FAM107B: variants seen among roughly 807,000 people sequenced by gnomAD.
The protein encoded by FAM107B is protein FAM107B.
Under a neutral mutation model 31.5 loss-of-function variants are expected in FAM107B, and 21 were observed. The ratio of observed to expected loss-of-function variants is 0.67; its 90% CI spans 0.47 to 0.96. The LOEUF (loss-of-function observed/expected upper bound fraction) is 0.96, where lower values mean the gene tolerates loss of function less well. Ranked by LOEUF, FAM107B falls within the 40% of genes least tolerant of loss-of-function variation. The pLI is 0.00. For synonymous variants in FAM107B, 157 were observed against 141.5 expected (o/e 1.11, Z -0.78); for missense variants, 452 against 377.1 (o/e 1.20, Z -1.64).
chr10:14,649,089 C>T (rs1363130811), intron 2 of FAM107B, among the ~76,000 whole-genome samples: 1 of 152,200 alleles, frequency 6.6e-6, no homozygotes. Flanking sequence ...AATAAGCACA[C>T]CAGTTCAGGC....
chr10:14,748,060 G>C (rs1158052658), intron 1 of FAM107B, among the ~76,000 whole-genome samples: 1 of 152,134 alleles, frequency 6.6e-6, no homozygotes, highest in Non-Finnish European at 1.5e-5. Flanking sequence ...TTTATGTGTT[G>C]CCTCCTCTGA....
At position 14,761,294 on chromosome 10, in the gene FAM107B, G is replaced by A. The variant is rs139593485; in HGVS notation, c.411+12959C>T. On this transcript the variant is annotated intron_variant, in intron 1 of 4. Transcript: ENST00000181796. The stretch of plus-strand genomic sequence containing the variant: ...TTTGCCTTTGAGTCGCTTGTTGTTA[G>A]GCAAGAAGCCAGACAAATCAGCATT... Among the ~76,000 whole-genome samples the A allele has an allele frequency of 1.3e-3, 200 of 152,200 alleles. 1 individual carries two copies. The highest frequency in any genetic ancestry group is 4.6e-3 in the African/African-American group (192 of 41,540).
At chr10:14,765,961 G>A (rs1408866496) in intron 1 of FAM107B, among the ~76,000 whole-genome samples, 3 of 152,218 alleles carry the variant, frequency 2.0e-5, no homozygotes. Flanking sequence ...CAGGTAGGAT[G>A]ATGGGTGATG....
At chr10:14,726,393 C>G (rs910749567) in intron 1 of FAM107B, among the ~76,000 whole-genome samples, 8 of 152,162 alleles carry the variant, frequency 5.3e-5, no homozygotes, top group Admixed American at 4.6e-4. Context: ...GTGCCTGCCT[C>G]AGAGCCGAGC....
chr10:14,522,603 A>G (rs753006127), intron 3 of FAM107B, among the ~76,000 whole-genome samples: 5 of 151,830 alleles, frequency 3.3e-5, no homozygotes, highest in Non-Finnish European at 5.9e-5. Context: ...TTTAGTAGAG[A>G]TGGGGTTTCA....
chr10:14,769,810 G>C (rs1564297396), intron 1 of FAM107B, among the ~76,000 whole-genome samples: 1 of 152,180 alleles, frequency 6.6e-6, no homozygotes, highest in Non-Finnish European at 1.5e-5. Flanking sequence ...AACTGCTATA[G>C]GAAGACATTC....
intron 1 of FAM107B, among the ~76,000 whole-genome samples, chr10:14,734,548 C>G (rs1222731470): frequency 1.3e-5 from 2 of 149,682 alleles, no homozygotes; most frequent in East Asian, 4.0e-4. Context: ...TATGTGTGGC[C>G]CAAGATAATT....
chr10:14,715,727 C>T (rs1855764740), intron 1 of FAM107B, among the ~76,000 whole-genome samples: 1 of 152,170 alleles, frequency 6.6e-6, no homozygotes, highest in Non-Finnish European at 1.5e-5. Flanking sequence ...CTTCTCCTGC[C>T]CTTGGACATC....
intron 1 of FAM107B, among the ~76,000 whole-genome samples, chr10:14,734,488 G>GTGTTTTTGTTTTTGTTTTTTT (rs558940939): frequency 7.2e-6 from 1 of 138,546 alleles, no homozygotes; most frequent in African/African-American, 2.7e-5. Context: ...TTTTTGTGAG[G>GTGTTTTTGTTTTTGTTTTTTT]TTTTTTTTTT....
chr10:14,632,636 C>A (rs1235020011), intron 2 of FAM107B, among the ~76,000 whole-genome samples: 1 of 149,026 alleles, frequency 6.7e-6, no homozygotes, highest in Non-Finnish European at 1.5e-5. Flanking sequence ...AAAGAGAATT[C>A]AGAAATCTTC....
At chr10:14,597,018 T>C (rs1852210176) in intron 2 of FAM107B, among the ~76,000 whole-genome samples, 1 of 152,094 alleles carries the variant, frequency 6.6e-6, no homozygotes, top group South Asian at 2.1e-4. Context: ...AGTCTGAAAA[T>C]CTTTCAAGTC....
intron 1 of FAM107B, among the ~76,000 whole-genome samples, chr10:14,693,960 G>T (rs1350563339): frequency 6.6e-6 from 1 of 152,142 alleles, no homozygotes; most frequent in African/African-American, 2.4e-5. Flanking sequence ...ATGAAAATTT[G>T]ATCATGCAAT....
In FAM107B at chr10:14,693,481, A is replaced by AC. The variant is rs371444304; in HGVS notation, c.412-25791_412-25790insG. On this transcript the variant is annotated intron_variant, in intron 1 of 4. Coordinates refer to ENST00000181796, the MANE Select transcript of FAM107B (RefSeq NM_031453.4). ...CGACAGAGTGACACCGTCTCAAAAA[A>AC]AAAAAAAAGGTATACAACAGGACAC... Among the ~76,000 whole-genome samples the AC allele has an allele frequency of 1.3e-3, 200 of 152,146 alleles. 3 individuals carry two copies. The highest frequency in any genetic ancestry group is 4.6e-3 in the African/African-American group (189 of 41,506).
chr10:14,618,934 G>A (rs535225328), intron 2 of FAM107B, among the ~76,000 whole-genome samples: 5 of 152,288 alleles, frequency 3.3e-5, no homozygotes, highest in South Asian at 4.1e-4. Flanking sequence ...AAGAGGAGAC[G>A]AGACACAGAA....
At chr10:14,535,124 C>A (rs1847477378) in intron 2 of FAM107B, among the ~76,000 whole-genome samples, 1 of 152,140 alleles carries the variant, frequency 6.6e-6, no homozygotes, top group South Asian at 2.1e-4. Context: ...GAAATAAACA[C>A]AAAGATAATC....
intron 1 of FAM107B, among the ~76,000 whole-genome samples, chr10:14,736,338 A>T (rs966535907): frequency 9.8e-5 from 15 of 152,338 alleles, no homozygotes; most frequent in African/African-American, 3.4e-4. Context: ...TGGGTTGCTT[A>T]TGAAAGTTAA....
intron 1 of FAM107B, among the ~76,000 whole-genome samples, chr10:14,701,058 A>T (rs1199922229): frequency 4.6e-5 from 7 of 152,008 alleles, no homozygotes; most frequent in African/African-American, 1.7e-4. Flanking sequence ...TTATGGAAGC[A>T]TTGAATGCCT....
At chr10:14,605,252 TTGCTCTC>T (rs796533434) in intron 2 of FAM107B, among the ~76,000 whole-genome samples, 47 of 152,332 alleles carry the variant, frequency 3.1e-4, no homozygotes, top group African/African-American at 1.1e-3. Context: ...TTCCGCCTCT[TTGCTCTC>T]TGATCTCCTT....
chr10:14,535,654 C>T (rs1041821586), intron 2 of FAM107B, among the ~76,000 whole-genome samples: 1 of 152,200 alleles, frequency 6.6e-6, no homozygotes, highest in Non-Finnish European at 1.5e-5. Flanking sequence ...TCCAGTCGTT[C>T]AGAGTGGGGC....
Sources: allele counts gnomAD v4.1 joint callset (sites outside exome capture counted in the v4.1 genomes callset), GRCh38; gene constraint gnomAD v4.1.1; transcripts MANE v1.5; gene names NCBI Gene and HGNC (gene_info 2026-07-23, HGNC 2026-07-21).